The following TPR variants were observed in gnomAD, a reference collection of about 807,000 sequenced individuals.
The protein encoded by TPR is translocated promoter region, nuclear basket protein.
TPR carries 51 observed loss-of-function variants against 316.1 expected under a neutral mutation model. The observed-to-expected ratio is 0.16, with a 90% CI of 0.13 to 0.20. TPR has a LOEUF of 0.20. Ranked by LOEUF, TPR falls within the 10% of genes least tolerant of loss-of-function variation. The probability of loss-of-function intolerance (pLI) is 1.00; values close to 1 mark genes in which losing one functional copy is unlikely to be tolerated. For synonymous variants in TPR, 981 were observed against 914.7 expected, an observed-to-expected ratio of 1.07 and a Z score of -1.31; for missense variants, 2,272 against 2,754.8, an observed-to-expected ratio of 0.82 and a Z score of 3.92.
At position 186,322,309 on chromosome 1, in the gene TPR, T is replaced by C; in HGVS notation, c.6461+9A>G. The C allele has an allele frequency of 6.2e-7, 1 of 1,602,068 alleles. No individual in the cohort carries two copies. ...AGTTATAAAGTATGTTTCTCTTTCA[T>C]TAACTTACTGAATTGCTTCAGCAAA... is the stretch of plus-strand genomic sequence containing the variant. On this transcript the variant is annotated intron_variant, in intron 45 of 50. Transcript: ENST00000367478.
intron 20 of TPR, 106 bp downstream of exon 20, chr1:186,351,224 A>G (rs546034657): frequency 7.5e-7 from 1 of 1,335,532 alleles, no homozygotes; most frequent in South Asian, 1.9e-5. Flanking sequence ...CTTAGTAACA[A>G]AGTTTTTCAA....
intron 18 of TPR, among the ~76,000 whole-genome samples, chr1:186,352,794 A>G (rs532881880): frequency 6.6e-6 from 1 of 152,300 alleles, no homozygotes; most frequent in South Asian, 2.1e-4. Context: ...CCCATCTCTC[A>G]TGACTGTCCC....
rs1372269096 is a variant in TPR at position 186,344,087 on chromosome 1, C to G, written c.3421G>C (p.Glu1141Gln). The stretch of plus-strand genomic sequence containing the variant: ...CAGCGACATACACATTTGGAAACTT[C>G]ATCCTGCAAGCCAAGAGTCTATCAG... ...WEERERMLKDEVSKCVCRCED... is the reference protein window; with the variant it reads ...WEERERMLKDQVSKCVCRCED... The change falls in exon 26 of 51, where the codon GAA (glutamate) becomes CAA (glutamine). Residue 1141 changes from glutamate (E) to glutamine (Q), a missense_variant. Around this residue, in one of 10 missense-constraint regions of TPR, gnomAD observed 757 missense variants for 859.8 expected, o/e 0.88. Coordinates refer to ENST00000367478, the MANE Select transcript of TPR (RefSeq NM_003292.3). 1.2e-6 allele frequency: 2 copies of G among 1,612,350 alleles called. No individual in the cohort carries two copies.
rs559651234 is a variant in TPR, at chr1:186,360,759, C to T, written c.1099+6G>A. The T allele has an allele frequency of 2.4e-5, 39 of 1,612,642 alleles. No individual in the cohort carries two copies. The South Asian group carries it at 4.1e-4, about 17-fold the overall frequency. On this transcript the variant is annotated splice_donor_region_variant and intron_variant, in intron 10 of 50. Transcript: ENST00000367478. ...CAACTCACTAACAAGCATCTATTAG[C>T]CATACCTTTACGTTTTGTGGCAGAA... is the stretch of plus-strand genomic sequence containing the variant.
At chr1:186,331,689 TG>T in intron 38 of TPR, 108 bp from the exon 39 acceptor site, 1 of 605,540 alleles carries the variant, frequency 1.7e-6, no homozygotes, top group Non-Finnish European at 2.6e-6. Flanking sequence ...CTATATTTTA[TG>T]AAACTATAGA....
In TPR at chr1:186,326,570, T is replaced by C. The variant is rs185526974; in HGVS notation, c.5890-335A>G. ...AAGAAAATGATAAAATTACACTATA[T>C]CAGGAGCTATTTAAAAAATGTTTAT... On this transcript the variant is annotated intron_variant, in intron 40 of 50. Transcript: ENST00000367478. 1.9e-3 allele frequency among the ~76,000 whole-genome samples: 295 copies of C among 152,136 alleles called. 1 individual carries two copies. Among genetic ancestry groups the C allele is most frequent in the African/African-American group, 6.5e-3 (272 of 41,528 alleles).
chr1:186,314,710 GACT>G lies in TPR; in HGVS notation c.6952_6954del (p.Ser2318del). The G allele has an allele frequency of 6.2e-7, 1 of 1,611,310 alleles. No homozygotes were observed. The highest frequency in any genetic ancestry group is 8.5e-7 in the Non-Finnish European group (1 of 1,178,434). ...CTTACTCGTCTGAAAGGCTTTGGTT[GACT>G]ACTACTAGTATCTAAGAAAAACATT... On this transcript the variant is annotated inframe_deletion, in exon 50 of 51. Coordinates refer to ENST00000367478, the MANE Select transcript of TPR (RefSeq NM_003292.3).
chr1:186,373,558 A>C lies in TPR; in HGVS notation c.152-95T>G. ...TATTTCTAATAACCTTGATTTTAAA[A>C]CTTAAGATACAGTATTAGAATTGTG... On this transcript the variant is annotated intron_variant, in intron 1 of 50. Coordinates refer to ENST00000367478, the MANE Select transcript of TPR (RefSeq NM_003292.3). 4.3e-6 allele frequency: 3 copies of C among 701,804 alleles called. No individual in the cohort carries two copies. The South Asian group carries it at 5.9e-5, about 14-fold the overall frequency. 43.5% of individuals were successfully genotyped at this position (701,804 alleles called of 1,614,324 possible).
At chr1:186,343,148 A>G in intron 27 of TPR, 178 bp downstream of exon 27, 1 of 688,480 alleles carries the variant, frequency 1.5e-6, no homozygotes, top group Non-Finnish European at 2.1e-6. Context: ...GTTTGGTTAC[A>G]GAGCCTTTAC....
intron 18 of TPR, among the ~76,000 whole-genome samples, 184 bp from the exon 19 acceptor site, chr1:186,352,294 T>G (rs1384344613): frequency 6.6e-6 from 1 of 152,122 alleles, no homozygotes. Flanking sequence ...CAAAAATTAT[T>G]GGGGATCATC....
chr1:186,366,981 T>C (rs2101989801), intron 4 of TPR, among the ~76,000 whole-genome samples: 1 of 149,176 alleles, frequency 6.7e-6, no homozygotes, highest in East Asian at 2.0e-4. Flanking sequence ...TGTATAATGA[T>C]ATAAATATCT....
Position 186,357,513 on chromosome 1 carries a change from A to G in TPR, c.1608T>C (p.His536=). 3 of 1,614,096 alleles carry G rather than the reference A, an allele frequency of 1.9e-6. No individual in the cohort carries two copies. The highest frequency in any genetic ancestry group is 2.5e-6 in the Non-Finnish European group (3 of 1,180,020). ...ISSSSEVISQ[H]LVSYRNIEEL... ...CTTCAATATTTCTGTAAGATACTAG[A>G]TGCTGTGATATTACCTCAGATGAAC... The change falls in exon 14 of 51, where the codon CAT becomes CAC. Residue 536 remains histidine (H), a synonymous_variant. Coordinates refer to ENST00000367478, the MANE Select transcript of TPR (RefSeq NM_003292.3).
intron 47 of TPR, 23 bp from the exon 48 acceptor site, chr1:186,318,626 A>T (rs772775192): frequency 6.2e-7 from 1 of 1,603,624 alleles, no homozygotes; most frequent in South Asian, 1.1e-5. Flanking sequence ...AACACAAGAA[A>T]AAGAACTTTA....
At position 186,350,340 on chromosome 1, in the gene TPR, G is replaced by A; in HGVS notation, c.2659C>T (p.His887Tyr). The A allele has an allele frequency of 6.2e-7, 1 of 1,612,816 alleles. No individual in the cohort carries two copies. The highest frequency in any genetic ancestry group is 8.5e-7 in the Non-Finnish European group (1 of 1,179,266). The change falls in exon 21 of 51, where the codon CAT becomes TAT. Residue 887 changes from histidine (H) to tyrosine (Y), a missense_variant. His to Tyr is a moderately conservative substitution (Grantham distance 83). Coordinates refer to ENST00000367478, the MANE Select transcript of TPR (RefSeq NM_003292.3). Reference sequence around the variant, plus strand: ...TTTAATAGTTCTTTTGTGTTAAGATGAAGATTTGTCTCTGTATCCAGTTGT... The same window carrying A: ...TTTAATAGTTCTTTTGTGTTAAGATAAAGATTTGTCTCTGTATCCAGTTGT... ...KRQLDTETNL[H>Y]LNTKELLKNA... is the part of the protein sequence containing the mutation.
At chr1:186,347,236 A>C in intron 22 of TPR, 56 bp downstream of exon 22, 1 of 1,586,626 alleles carries the variant, frequency 6.3e-7, no homozygotes, top group Non-Finnish European at 8.6e-7. Flanking sequence ...CTAGTTACTA[A>C]AAACAAAGTT....
Position 186,332,258 on chromosome 1 carries a change from A to G in TPR, c.5541T>C (p.Ser1847=). 6.2e-7 allele frequency: 1 copy of G among 1,612,772 alleles called. No homozygotes were observed. Among genetic ancestry groups the G allele is most frequent in the Non-Finnish European group, 8.5e-7 (1 of 1,179,352 alleles). ...DSTIEASDQV[S]DDTVEMPLPK... is the part of the protein sequence containing the mutation. Reference sequence around the variant, plus strand: ...GAAGAGGCATTTCCACTGTATCATCAGAGACTTGGTCTGATGCTTCTATGG... The same window carrying G: ...GAAGAGGCATTTCCACTGTATCATCGGAGACTTGGTCTGATGCTTCTATGG... The change falls in exon 38 of 51, where the codon TCT becomes TCC. Residue 1847 remains serine (S), a synonymous_variant. Coordinates refer to ENST00000367478, the MANE Select transcript of TPR (RefSeq NM_003292.3).
rs1368007987 is a variant in TPR at position 186,327,533 on chromosome 1, T to C, written c.5816A>G (p.Lys1939Arg). ...TTTSSQDGQG[K>R]GDDVIVIDSD... ...GTCAATTACAATGACATCATCTCCT[T>C]TGCCTTGACCATCCTGGGATGAAGT... The change falls in exon 40 of 51, where the codon AAA (lysine) becomes AGA (arginine). Residue 1939 changes from lysine to arginine, a missense_variant. By Grantham distance (26) the Lys-to-Arg change is conservative. Around this residue, in one of 10 missense-constraint regions of TPR, gnomAD observed 435 missense variants for 461.1 expected, o/e 0.94. Coordinates refer to ENST00000367478, the MANE Select transcript of TPR (RefSeq NM_003292.3). 1.1e-5 allele frequency: 18 copies of C among 1,611,766 alleles called. No homozygotes were observed. In the East Asian group the frequency reaches 4.0e-4, roughly 36 times the overall value.
At position 186,333,412 on chromosome 1, in the gene TPR, T is replaced by C. The variant is rs1469328887; in HGVS notation, c.5183-18A>G. 4 of 1,611,144 alleles carry C rather than the reference T, an allele frequency of 2.5e-6. No homozygotes were observed. Among genetic ancestry groups the C allele is most frequent in the Non-Finnish European group, 3.4e-6 (4 of 1,178,352 alleles). On this transcript the variant is annotated intron_variant, in intron 36 of 50. Transcript: ENST00000367478. Reference sequence around the variant, plus strand: ...CTGCATAGCTGAAAAATAATTATAATGCTGAATATAAGCCTTCTACTTTTA... The same window carrying C: ...CTGCATAGCTGAAAAATAATTATAACGCTGAATATAAGCCTTCTACTTTTA...
chr1:186,363,721 C>T (rs904773954), intron 4 of TPR, among the ~76,000 whole-genome samples: 8 of 152,154 alleles, frequency 5.3e-5, no homozygotes, highest in African/African-American at 1.9e-4. Flanking sequence ...GAAAAAGCTA[C>T]TGTAAGTGCA....
Sources: gnomAD v4.1 joint callset for allele counts (sites outside exome capture counted in the v4.1 genomes callset) on GRCh38, gnomAD v4.1.1 for gene constraint, gnomAD v4.1.1 regional missense constraint, MANE v1.5 for transcripts, NCBI Gene and HGNC (gene_info 2026-07-23, HGNC 2026-07-21) for gene names.